Variants in EGFLAM observed in about 807,000 individuals in gnomAD.
The protein encoded by EGFLAM is pikachurin.
A neutral mutation model predicts 113.1 loss-of-function variants in EGFLAM; 79 were observed. The ratio of observed to expected loss-of-function variants is 0.70; its 90% CI spans 0.58 to 0.84. The LOEUF (loss-of-function observed/expected upper bound fraction) is 0.84, where lower values mean the gene tolerates loss of function less well. Among genes scored for constraint, EGFLAM ranks in the 40% least tolerant of loss-of-function variants. The probability of loss-of-function intolerance (pLI) is 0.00; values close to 1 mark genes in which losing one functional copy is unlikely to be tolerated. For synonymous variants in EGFLAM, 504 were observed against 487.6 expected (o/e 1.03, Z -0.44); for missense variants, 1,265 against 1,291.6 (o/e 0.98, Z 0.32).
At chr5:38,345,530 C>T (rs1739452269) in intron 3 of EGFLAM, 1 of 152,112 alleles carries the variant, frequency 6.6e-6, no homozygotes, top group Non-Finnish European at 1.5e-5. Flanking sequence ...CCAGAAAGAA[C>T]CAGGCAAACA....
rs76516909 is a variant in EGFLAM, at chr5:38,414,115, G to T, written c.1494+1467G>T. Among the ~76,000 whole-genome samples the T allele has an allele frequency of 6.3e-3, 958 of 152,310 alleles. 7 individuals carry two copies. The highest frequency in any genetic ancestry group is 9.4e-3 in the Admixed American group (144 of 15,302). The stretch of plus-strand genomic sequence containing the variant: ...CCCCTGATATAAAGGGCTATGCCTT[G>T]CTGACACCCTGCCTTCCAAAATATA... On this transcript the variant is annotated intron_variant, in intron 11 of 21. Transcript: ENST00000322350.
chr5:38,270,823 T>C (rs16903915), intron 1 of EGFLAM, among the ~76,000 whole-genome samples: 62,841 of 152,016 alleles, frequency 0.41, 13,535 homozygotes, highest in Middle Eastern at 0.56. Flanking sequence ...ATAATGGGCA[T>C]TCCAATGTTA....
intron 21 of EGFLAM, among the ~76,000 whole-genome samples, chr5:38,463,354 T>C (rs1743354686): frequency 1.3e-5 from 2 of 152,252 alleles, no homozygotes; most frequent in South Asian, 2.1e-4. Flanking sequence ...AGTATTTCTG[T>C]AAATGGCTTA....
intron 3 of EGFLAM, among the ~76,000 whole-genome samples, chr5:38,340,896 A>G (rs916461071): frequency 2.0e-5 from 3 of 151,788 alleles, no homozygotes; most frequent in Non-Finnish European, 4.4e-5. Flanking sequence ...AAAGAGAATG[A>G]AAAGAGGAAA....
At chr5:38,392,903 A>T (rs991620876) in intron 6 of EGFLAM, among the ~76,000 whole-genome samples, 1 of 151,762 alleles carries the variant, frequency 6.6e-6, no homozygotes, top group African/African-American at 2.4e-5. Context: ...CTCATTATTC[A>T]ATTCCTGGCT....
chr5:38,312,981 G>A (rs570652470), intron 1 of EGFLAM, among the ~76,000 whole-genome samples: 100 of 152,200 alleles, frequency 6.6e-4, no homozygotes, highest in Non-Finnish European at 7.2e-4. Flanking sequence ...CCAGCTACTC[G>A]TGAGTCTGAG....
intron 1 of EGFLAM, among the ~76,000 whole-genome samples, chr5:38,271,814 C>T (rs1468477767): frequency 6.6e-6 from 1 of 152,226 alleles, no homozygotes. Flanking sequence ...AGCACCATGA[C>T]TTCTCTACTT....
chr5:38,258,689 C>T lies in EGFLAM; in HGVS notation c.-66C>T. Reference sequence around the variant, plus strand: ...CCGTTGGGGCCGCGTCCCCCACGCGCCCCCGGAGACGCCCTTTCCGTGTGC... The same window carrying T: ...CCGTTGGGGCCGCGTCCCCCACGCGTCCCCGGAGACGCCCTTTCCGTGTGC... On this transcript the variant is annotated 5_prime_UTR_variant, in exon 1 of 22. Transcript: ENST00000322350. 3 of 1,524,164 alleles carry T rather than the reference C, an allele frequency of 2.0e-6. No individual in the cohort carries two copies. The highest frequency in any genetic ancestry group is 2.7e-6 in the Non-Finnish European group (3 of 1,120,130). The allele number at this position is 1,524,164 out of a possible 1,614,324, so 94.4% of individuals were successfully genotyped here. A position where few individuals can be genotyped will look rare whatever the true frequency, so the allele number is the denominator to read the frequency against.
Position 38,406,909 on chromosome 5 carries a change from A to T in EGFLAM, c.910A>T (p.Thr304Ser). Reference sequence around the variant, plus strand: ...GAAGATGTCTATATCTAACCCAAAGACCATTTCTAGGCTCATCCCCCCTAC... The same window carrying T: ...GAAGATGTCTATATCTAACCCAAAGTCCATTTCTAGGCTCATCCCCCCTAC... ...SKKMSISNPK[T>S]ISRLIPPTSA... Residue 304 changes from threonine to serine, a missense_variant, in exon 8 of 22, where the codon ACC (threonine) becomes TCC (serine). Thr to Ser is a moderately conservative substitution (Grantham distance 58). Transcript: ENST00000322350. The T allele has an allele frequency of 6.2e-7, 1 of 1,614,148 alleles. No individual in the cohort carries two copies. The highest frequency in any genetic ancestry group is 8.5e-7 in the Non-Finnish European group (1 of 1,180,032).
At chr5:38,440,435 C>T (rs79194265) in intron 17 of EGFLAM, among the ~76,000 whole-genome samples, 1,847 of 152,182 alleles carry the variant, frequency 0.012, 43 homozygotes, top group African/African-American at 0.042. Flanking sequence ...CAGCAGGTAC[C>T]AATTGTGGGC....
intron 6 of EGFLAM, 63 bp from the exon 7 acceptor site, chr5:38,406,063 G>T (rs775974151): frequency 7.6e-7 from 1 of 1,312,920 alleles, no homozygotes; most frequent in East Asian, 2.3e-5. Context: ...GGCTGAGTTA[G>T]GCTAGACAAT....
chr5:38,416,236 A>C (rs1741638307), intron 11 of EGFLAM, among the ~76,000 whole-genome samples: 1 of 152,188 alleles, frequency 6.6e-6, no homozygotes, highest in Non-Finnish European at 1.5e-5. Flanking sequence ...ATTCCCCAGC[A>C]ACAGACCTGA....
intron 6 of EGFLAM, among the ~76,000 whole-genome samples, chr5:38,405,058 A>C (rs903157637): frequency 6.6e-6 from 1 of 152,156 alleles, no homozygotes; most frequent in African/African-American, 2.4e-5. Context: ...AAGATGGATG[A>C]AATGGATGAC....
At chr5:38,442,140 C>G (rs1742555836) in intron 17 of EGFLAM, among the ~76,000 whole-genome samples, 1 of 151,736 alleles carries the variant, frequency 6.6e-6, no homozygotes, top group African/African-American at 2.4e-5. Context: ...TGTTTTAGGT[C>G]CCAGTGTATA....
chr5:38,436,195 C>T (rs1742344151), intron 16 of EGFLAM, among the ~76,000 whole-genome samples: 1 of 152,168 alleles, frequency 6.6e-6, no homozygotes, highest in African/African-American at 2.4e-5. Context: ...AACAGACCTG[C>T]AGCTTGACTC....
intron 2 of EGFLAM, 53 bp from the exon 3 acceptor site, chr5:38,338,645 A>C: frequency 4.9e-5 from 77 of 1,563,282 alleles, no homozygotes; most frequent in Non-Finnish European, 6.8e-5. Flanking sequence ...ACAACCTTTG[A>C]TCTTACACAA....
intron 1 of EGFLAM, among the ~76,000 whole-genome samples, chr5:38,276,282 C>T (rs1474159332): frequency 2.0e-5 from 3 of 152,116 alleles, no homozygotes; most frequent in African/African-American, 7.2e-5. Context: ...TGGGCCCCTC[C>T]CACAACACAT....
chr5:38,439,209 C>G (rs113554673), intron 17 of EGFLAM, among the ~76,000 whole-genome samples: 59 of 152,242 alleles, frequency 3.9e-4, no homozygotes, highest in South Asian at 8.3e-4. Flanking sequence ...CCATCTTACC[C>G]TAGACTGAAA....
rs532234515 is a variant in EGFLAM, at chr5:38,296,357, C to T, written c.97+37506C>T. ...AATCAACTTACTGAATATGCAGCCCCGTAAGTTGAATAGTCTGGATTCTCA... is the reference window on the plus strand; with the variant it reads ...AATCAACTTACTGAATATGCAGCCCTGTAAGTTGAATAGTCTGGATTCTCA... On this transcript the variant is annotated intron_variant, in intron 1 of 21. Transcript: ENST00000322350. Among the ~76,000 whole-genome samples, 83 of 152,164 alleles carry T rather than the reference C, an allele frequency of 5.5e-4. 1 individual carries two copies. Among genetic ancestry groups the T allele is most frequent in the African/African-American group, 2.0e-3 (83 of 41,500 alleles).
Sources: allele counts gnomAD v4.1 joint callset (sites outside exome capture counted in the v4.1 genomes callset), GRCh38; gene constraint gnomAD v4.1.1; transcripts MANE v1.5; gene names NCBI Gene and HGNC (gene_info 2026-07-23, HGNC 2026-07-21).